The following XPOT variants were observed in gnomAD, a reference collection of about 807,000 sequenced individuals.
XPOT encodes the protein exportin-T.
XPOT carries 34 observed loss-of-function variants against 128.2 expected under a neutral mutation model. The ratio of observed to expected loss-of-function variants is 0.27; its 90% confidence interval spans 0.20 to 0.35. The LOEUF (loss-of-function observed/expected upper bound fraction) is 0.35, where lower values mean the gene tolerates loss of function less well. Among genes scored for constraint, XPOT ranks in the 10% least tolerant of loss-of-function variants. The probability of loss-of-function intolerance (pLI) is 1.00; values close to 1 mark genes in which losing one functional copy is unlikely to be tolerated. For missense variants in XPOT, 838 were observed against 1,125.3 expected, an observed-to-expected ratio of 0.74 and a Z score of 3.65; for synonymous variants, 348 against 394.3, an observed-to-expected ratio of 0.88 and a Z score of 1.39.
Position 64,431,447 on chromosome 12 carries a change from T to C in XPOT, c.1977-91T>C, listed in dbSNP as rs765635639. 7.5e-6 allele frequency: 10 copies of C among 1,328,066 alleles called. No homozygotes were observed. The Admixed American group carries it at 8.8e-5, about 12-fold the overall frequency. 82.3% of individuals were successfully genotyped at this position (1,328,066 alleles called of 1,614,324 possible). A position where few individuals can be genotyped will look rare whatever the true frequency, so the allele number is the denominator to read the frequency against. On this transcript the variant is annotated intron_variant, in intron 17 of 24. Coordinates refer to ENST00000332707, the MANE Select transcript of XPOT (RefSeq NM_007235.6). ...AGGTCTGGTTATTTAGTTTTGTTAA[T>C]TTTGTAATTTGTTGTGCATTGCTTT...
At chr12:64,417,681 G>A (rs932768051) in intron 4 of XPOT, among the ~76,000 whole-genome samples, 57 of 152,202 alleles carry the variant, frequency 3.7e-4, no homozygotes, top group African/African-American at 1.4e-3. Flanking sequence ...GGGCACTTGT[G>A]TTCAGAATCT....
intron 19 of XPOT, among the ~76,000 whole-genome samples, chr12:64,433,936 G>A (rs1033801212): frequency 2.0e-5 from 3 of 152,156 alleles, no homozygotes; most frequent in Non-Finnish European, 4.4e-5. Flanking sequence ...GAGCTGTACA[G>A]ATTTGTGTAG....
intron 18 of XPOT, among the ~76,000 whole-genome samples, chr12:64,433,213 T>A (rs980781037): frequency 3.9e-5 from 6 of 152,258 alleles, no homozygotes; most frequent in African/African-American, 1.4e-4. Flanking sequence ...CCCAAAGTGC[T>A]GGGATTACAG....
chr12:64,405,896 G>A (rs1188226277), intron 1 of XPOT, among the ~76,000 whole-genome samples: 5 of 152,132 alleles, frequency 3.3e-5, no homozygotes, highest in African/African-American at 2.4e-5. Context: ...GATTACAGGC[G>A]TGAGCCACCG....
chr12:64,419,084 A>C lies in XPOT; in HGVS notation c.479A>C (p.His160Pro), dbSNP rs1381566656. 6 of 1,613,668 alleles carry C rather than the reference A, an allele frequency of 3.7e-6. No individual in the cohort carries two copies. Among genetic ancestry groups the C allele is most frequent in the Non-Finnish European group, 5.1e-6 (6 of 1,179,642 alleles). The change falls in exon 6 of 25, where the codon CAT becomes CCT. Residue 160 changes from histidine (H) to proline (P), a missense_variant. Around this residue, in one of 3 missense-constraint regions of XPOT, gnomAD observed 761 missense variants for 988.3 expected, o/e 0.77. Coordinates refer to ENST00000332707, the MANE Select transcript of XPOT (RefSeq NM_007235.6). The stretch of plus-strand genomic sequence containing the variant: ...GAGTTGGTGGATCGTGATGTGGTGC[A>C]TACATCAGAGGCAAGTAACTAACCA... The part of the protein sequence containing the change: ...DSELVDRDVV[H>P]TSEEARRNTL...
rs142496496 is a variant in XPOT at position 64,447,541 on chromosome 12, C to T, written c.2863-564C>T. On this transcript the variant is annotated intron_variant, in intron 24 of 24. Transcript: ENST00000332707. ...TTGCCCAGGCTGGAGTGCAGTGGCA[C>T]GATCTCGGCTCACCACAACCTCTGC... Among the ~76,000 whole-genome samples the T allele has an allele frequency of 5.7e-3, 872 of 152,012 alleles. 9 individuals are homozygous for T. Among genetic ancestry groups the T allele is most frequent in the African/African-American group, 0.02 (833 of 41,450 alleles).
At chr12:64,413,788 A>G (rs1439048794) in intron 2 of XPOT, among the ~76,000 whole-genome samples, 1 of 152,238 alleles carries the variant, frequency 6.6e-6, no homozygotes, top group South Asian at 2.1e-4. Context: ...ATGCACATAA[A>G]TAACTAAAAC....
chr12:64,436,030 C>T (rs2136033469), intron 22 of XPOT, among the ~76,000 whole-genome samples: 1 of 152,084 alleles, frequency 6.6e-6, no homozygotes, highest in Admixed American at 6.5e-5. Context: ...GATCTCGGCT[C>T]ACGGCGACCC....
chr12:64,447,222 G>T (rs911747884), intron 24 of XPOT, among the ~76,000 whole-genome samples: 1 of 152,186 alleles, frequency 6.6e-6, no homozygotes, highest in African/African-American at 2.4e-5. Flanking sequence ...GGAGCTACAA[G>T]ATGAGATCTG....
intron 11 of XPOT, among the ~76,000 whole-genome samples, chr12:64,423,948 A>G (rs2040167219): frequency 1.3e-5 from 2 of 152,196 alleles, no homozygotes; most frequent in South Asian, 4.1e-4. Context: ...TGAGTGGGTC[A>G]GCTTCCCATC....
At chr12:64,436,493 C>A (rs925968541) in intron 22 of XPOT, among the ~76,000 whole-genome samples, 2 of 151,660 alleles carry the variant, frequency 1.3e-5, no homozygotes, top group Non-Finnish European at 2.9e-5. Flanking sequence ...CTCCTGACCT[C>A]AAGTTGATCT....
rs547331672 is a variant in XPOT at position 64,421,813 on chromosome 12, AT to A, written c.1080+351del. ...ATACATCATTCATTTCTCATAAACA[AT>A]TTTTTTTTCTTTTTTGAGACGGAGT... On this transcript the variant is annotated intron_variant, in intron 9 of 24. Transcript: ENST00000332707. Among the ~76,000 whole-genome samples the A allele has an allele frequency of 2.9e-3, 444 of 151,198 alleles. 3 individuals are homozygous for A. The highest frequency in any genetic ancestry group is 4.6e-3 in the Non-Finnish European group (314 of 67,726).
In XPOT at chr12:64,423,185, A is replaced by G. The variant is rs1305212772; in HGVS notation, c.1123A>G (p.Ile375Val). 5 of 1,600,370 alleles carry G rather than the reference A, an allele frequency of 3.1e-6. No individual in the cohort carries two copies. The highest frequency in any genetic ancestry group is 4.3e-6 in the Non-Finnish European group (5 of 1,176,196). ...SDQQKANVEA[I>V]MLAVMKKLTY... ...TTATTCTCAATTTTATTCTTAGGCA[A>G]TCATGTTGGCCGTTATGAAAAAATT... Residue 375 changes from isoleucine to valine, a missense_variant, in exon 11 of 25, where the codon ATC becomes GTC. Ile to Val is a conservative substitution (Grantham distance 29, BLOSUM62 3). This residue lies in a region of XPOT where 761 missense variants were observed against 988.3 expected (regional missense o/e 0.77). Coordinates refer to ENST00000332707, the MANE Select transcript of XPOT (RefSeq NM_007235.6).
At chr12:64,412,943 G>A (rs1207328529) in intron 2 of XPOT, among the ~76,000 whole-genome samples, 3 of 152,142 alleles carry the variant, frequency 2.0e-5, no homozygotes, top group African/African-American at 7.2e-5. Context: ...GAGCTCTTGT[G>A]CCCTCTCTAG....
intron 21 of XPOT, 141 bp from the exon 22 acceptor site, chr12:64,435,486 T>A (rs2136032954): frequency 1.6e-6 from 1 of 607,232 alleles, no homozygotes; most frequent in East Asian, 3.4e-5. Context: ...CTTTCCTTCC[T>A]CTATCCCTTC....
At position 64,420,373 on chromosome 12, in the gene XPOT, G is replaced by A. The variant is rs764050316; in HGVS notation, c.695G>A (p.Gly232Asp). 6.8e-6 allele frequency: 11 copies of A among 1,613,540 alleles called. No individual in the cohort carries two copies. Among genetic ancestry groups the A allele is most frequent in the East Asian group, 4.5e-5 (2 of 44,818 alleles). ...ANDRFINMLL[G>D]HMSIEVLREE... The stretch of plus-strand genomic sequence containing the variant: ...ACCAGGTTTATAAATATGCTGCTAG[G>A]TCATATGTCAATAGAAGTTCTACGG... Residue 232 changes from glycine (G) to aspartate (D), a missense_variant, in exon 8 of 25, where the codon GGT (glycine) becomes GAT (aspartate). Around this residue, in one of 3 missense-constraint regions of XPOT, gnomAD observed 761 missense variants for 988.3 expected, o/e 0.77. Coordinates refer to ENST00000332707, the MANE Select transcript of XPOT (RefSeq NM_007235.6).
At chr12:64,404,966 G>T (rs1367178805) in intron 1 of XPOT, 162 bp downstream of exon 1, 1 of 152,308 alleles carries the variant, frequency 6.6e-6, no homozygotes, top group African/African-American at 2.4e-5. Flanking sequence ...GGGCGGACCG[G>T]GTGGGGGTGG....
intron 15 of XPOT, among the ~76,000 whole-genome samples, chr12:64,427,117 CT>C (rs869255660): frequency 0.12 from 15,570 of 128,674 alleles, 725 homozygotes; most frequent in Middle Eastern, 0.18. Context: ...TACTCCCGAC[CT>C]TTTTTTTTTT....
intron 12 of XPOT, 65 bp from the exon 13 acceptor site, chr12:64,424,973 C>G: frequency 1.3e-6 from 2 of 1,588,270 alleles, no homozygotes; most frequent in South Asian, 1.1e-5. Context: ...GTGTCTTACC[C>G]TGTGCATAAT....
Sources: gnomAD v4.1 joint callset for allele counts (sites outside exome capture counted in the v4.1 genomes callset) on GRCh38, gnomAD v4.1.1 for gene constraint, gnomAD v4.1.1 regional missense constraint, MANE v1.5 for transcripts, NCBI Gene and HGNC (gene_info 2026-07-23, HGNC 2026-07-21) for gene names.